Variants in TRAPPC9 observed in about 807,000 individuals in gnomAD.
TRAPPC9 encodes IKK2 binding protein.
TRAPPC9 carries 83 observed loss-of-function variants against 124.0 expected under a neutral mutation model. The ratio of observed to expected loss-of-function variants is 0.67; its 90% CI spans 0.56 to 0.80. TRAPPC9 has a LOEUF of 0.80. TRAPPC9 is among the 30% of genes least tolerant of loss of function. TRAPPC9 has a pLI of 0.00. For missense variants in TRAPPC9, 1,302 were observed against 1,508.3 expected, an observed-to-expected ratio of 0.86 and a Z score of 2.27; for synonymous variants, 638 against 617.5, an observed-to-expected ratio of 1.03 and a Z score of -0.49.
chr8:139,837,178 G>A lies in TRAPPC9; in HGVS notation c.3055+48701C>T, dbSNP rs1208477450. Reference sequence around the variant, plus strand: ...ACATCTGCAAAGCCTAGAAAGGCTGGACTACGGTTCTTACCATCACCGTGA... The same window carrying A: ...ACATCTGCAAAGCCTAGAAAGGCTGAACTACGGTTCTTACCATCACCGTGA... On this transcript the variant is annotated intron_variant, in intron 21 of 22. Coordinates refer to ENST00000438773, the MANE Select transcript of TRAPPC9 (RefSeq NM_001160372.4). Among the ~76,000 whole-genome samples, 7 of 152,308 alleles carry A rather than the reference G, an allele frequency of 4.6e-5. No individual in the cohort carries two copies. In the East Asian group the frequency reaches 5.8e-4, roughly 13 times the overall value.
chr8:140,143,572 C>G (rs1358386675), intron 17 of TRAPPC9, among the ~76,000 whole-genome samples: 4 of 152,110 alleles, frequency 2.6e-5, no homozygotes, highest in Non-Finnish European at 5.9e-5. Context: ...CAATCTTTTC[C>G]TTCCTGGTTT....
At chr8:139,752,424 TCCATCTAACATCTAC>T (rs1819382937) in intron 21 of TRAPPC9, among the ~76,000 whole-genome samples, 1 of 149,856 alleles carries the variant, frequency 6.7e-6, no homozygotes, top group African/African-American at 2.5e-5. Flanking sequence ...CATCCATCCA[TCCATCTAACATCTAC>T]CCATCCATCC....
chr8:140,337,585 C>T (rs563948287), intron 9 of TRAPPC9, among the ~76,000 whole-genome samples: 2 of 152,286 alleles, frequency 1.3e-5, no homozygotes, highest in East Asian at 3.9e-4. Flanking sequence ...AAACGGACTG[C>T]GACTCATCCA....
At chr8:139,787,816 C>T (rs1429296318) in intron 21 of TRAPPC9, among the ~76,000 whole-genome samples, 2 of 152,188 alleles carry the variant, frequency 1.3e-5, no homozygotes, top group Non-Finnish European at 2.9e-5. Context: ...AGACGGCTCC[C>T]AGGGGTGTGG....
intron 6 of TRAPPC9, among the ~76,000 whole-genome samples, chr8:140,404,567 G>A (rs574572442): frequency 5.9e-5 from 9 of 152,268 alleles, no homozygotes; most frequent in South Asian, 2.1e-4. Flanking sequence ...AAGCAGGTCC[G>A]GAGGCGAGAG....
intron 16 of TRAPPC9, among the ~76,000 whole-genome samples, chr8:140,229,068 A>C (rs947681145): frequency 1.3e-5 from 2 of 152,010 alleles, no homozygotes; most frequent in Admixed American, 6.6e-5. Context: ...TTGGCTAAAA[A>C]CTAAGAGAAC....
chr8:140,229,041 G>A (rs1189659965), intron 16 of TRAPPC9, among the ~76,000 whole-genome samples: 2 of 151,794 alleles, frequency 1.3e-5, no homozygotes, highest in African/African-American at 2.4e-5. Context: ...TAAGAATGAC[G>A]GTGACAAACA....
At chr8:140,419,319 C>T (rs1199068885) in intron 5 of TRAPPC9, among the ~76,000 whole-genome samples, 2 of 148,734 alleles carry the variant, frequency 1.3e-5, no homozygotes, top group African/African-American at 4.9e-5. Context: ...GTCCCAGCTA[C>T]TCGGGAGGCT....
Position 140,163,408 on chromosome 8 carries a change from A to C in TRAPPC9, c.2556+58051T>G, listed in dbSNP as rs75771295. On this transcript the variant is annotated intron_variant, in intron 17 of 22. Transcript: ENST00000438773. The stretch of plus-strand genomic sequence containing the variant: ...CAGAAAACAACAGTAGCTGCCGGAC[A>C]TGGAGCAGAGATTCTGTGTCCAGTT... Among the ~76,000 whole-genome samples, 234 of 152,382 alleles carry C rather than the reference A, an allele frequency of 1.5e-3. 5 individuals carry two copies. The East Asian group carries it at 0.037, about 24-fold the overall frequency.
chr8:139,965,921 C>A (rs1488738498), intron 19 of TRAPPC9, among the ~76,000 whole-genome samples: 1 of 152,254 alleles, frequency 6.6e-6, no homozygotes, highest in Non-Finnish European at 1.5e-5. Context: ...CTCGGGCTGA[C>A]ATCTCGCACA....
At chr8:140,345,743 G>C (rs139085392) in intron 9 of TRAPPC9, among the ~76,000 whole-genome samples, 1 of 152,212 alleles carries the variant, frequency 6.6e-6, no homozygotes. Context: ...GGGAACACTC[G>C]GGGAGGAAGA....
intron 17 of TRAPPC9, among the ~76,000 whole-genome samples, chr8:140,184,359 G>T (rs1405328037): frequency 6.7e-6 from 1 of 150,246 alleles, no homozygotes; most frequent in African/African-American, 2.5e-5. Flanking sequence ...TGTCTATTTG[G>T]TAGAAGTAAT....
chr8:140,153,620 G>A (rs902497987), intron 17 of TRAPPC9, among the ~76,000 whole-genome samples: 6 of 152,006 alleles, frequency 3.9e-5, no homozygotes, highest in Non-Finnish European at 7.3e-5. Flanking sequence ...CACAGCACCT[G>A]CGTATAGTAT....
rs758975217 is a variant in TRAPPC9, at chr8:140,291,018, G to A, written c.1829C>T (p.Pro610Leu). 4.3e-6 allele frequency: 7 copies of A among 1,614,162 alleles called. No homozygotes were observed. Among genetic ancestry groups the A allele is most frequent in the South Asian group, 2.2e-5 (2 of 91,084 alleles). ...CATGTTTTCAACTCGAAGTTCAAAC[G>A]GCATTGGGTTATATACCATCAGCTG... ...EVQLMVYNPM[P>L]FELRVENMGL... The change falls in exon 12 of 23, where the codon CCG (proline) becomes CTG (leucine). Residue 610 changes from proline to leucine, a missense_variant. Transcript: ENST00000438773.
chr8:140,428,932 C>T (rs1036306031), intron 4 of TRAPPC9, among the ~76,000 whole-genome samples: 1 of 152,140 alleles, frequency 6.6e-6, no homozygotes, highest in East Asian at 1.9e-4. Context: ...CTCTCTGTCC[C>T]ACCCTTTCCA....
In TRAPPC9 at chr8:140,221,521, C is replaced by T. The variant is rs1349604933; in HGVS notation, c.2494G>A (p.Val832Met). The T allele has an allele frequency of 6.2e-7, 1 of 1,614,056 alleles. No homozygotes were observed. The highest frequency in any genetic ancestry group is 8.5e-7 in the Non-Finnish European group (1 of 1,180,030). The change falls in exon 17 of 23, where the codon GTG becomes ATG. Residue 832 changes from valine (V) to methionine (M), a missense_variant. Val to Met is a conservative substitution (Grantham distance 21, BLOSUM62 1). Around this residue, in one of 3 missense-constraint regions of TRAPPC9, gnomAD observed 640 missense variants for 679.3 expected, o/e 0.94. Transcript: ENST00000438773. ...SPFRQVVRPR[V>M]EGKPVNPPES... ...GGTGGGTTCACAGGTTTGCCCTCCA[C>T]TCGGGGCCGAACGACCTGCCGAAAA...
intron 18 of TRAPPC9, among the ~76,000 whole-genome samples, chr8:140,009,562 C>T (rs918280832): frequency 1.3e-5 from 2 of 152,222 alleles, no homozygotes; most frequent in Non-Finnish European, 2.9e-5. Flanking sequence ...GGAGCCACCA[C>T]ACCTCCTGTG....
chr8:140,160,667 G>A (rs537569732), intron 17 of TRAPPC9, among the ~76,000 whole-genome samples: 1 of 151,856 alleles, frequency 6.6e-6, no homozygotes, highest in Non-Finnish European at 1.5e-5. Flanking sequence ...CTGGGGGAGG[G>A]ATAGCATTAG....
chr8:140,183,862 AAAGAAGAAGAAG>A (rs1173930930), intron 17 of TRAPPC9, among the ~76,000 whole-genome samples: 1 of 30,636 alleles, frequency 3.3e-5, no homozygotes, highest in South Asian at 2.1e-3. Context: ...CAAAAAAAAA[AAAGAAGAAGAAG>A]AAGAAGAAGA....
Sources: gnomAD v4.1 joint callset for allele counts (sites outside exome capture counted in the v4.1 genomes callset) on GRCh38, gnomAD v4.1.1 for gene constraint, gnomAD v4.1.1 regional missense constraint, MANE v1.5 for transcripts, NCBI Gene and HGNC (gene_info 2026-07-23, HGNC 2026-07-21) for gene names.